The following PKHD1 variants were observed in gnomAD, a reference collection of about 807,000 sequenced individuals.
PKHD1 encodes fibrocystin.
A neutral mutation model predicts 412.0 loss-of-function variants in PKHD1; 291 were observed. That is an observed-to-expected ratio of 0.71 (90% confidence interval 0.64 to 0.78). PKHD1 has a LOEUF of 0.78. Among genes scored for constraint, PKHD1 ranks in the 30% least tolerant of loss-of-function variants. The pLI, the probability that PKHD1 is intolerant of heterozygous loss-of-function variation, is 0.00. For missense variants in PKHD1, 4,825 were observed against 4,950.7 expected (o/e 0.97, Z 0.76); for synonymous variants, 1,777 against 1,821.5 (o/e 0.98, Z 0.62).
chr6:52,063,156 A>G (rs1318761668), intron 13 of PKHD1, among the ~76,000 whole-genome samples: 1 of 152,214 alleles, frequency 6.6e-6, no homozygotes, highest in Non-Finnish European at 1.5e-5. Context: ...GGACCTGCAC[A>G]CAGAGCCAAA....
intron 50 of PKHD1, among the ~76,000 whole-genome samples, chr6:51,839,367 C>T (rs1255726493): frequency 6.6e-6 from 1 of 152,126 alleles, no homozygotes; most frequent in African/African-American, 2.4e-5. Context: ...TGTAGTTGAT[C>T]CTTCCCAGAT....
chr6:51,880,779 TAAAAAAAAAAAAAAAA>T lies in PKHD1; in HGVS notation c.7350+2298_7350+2313del, dbSNP rs71544105. Among the ~76,000 whole-genome samples the T allele has an allele frequency of 6.7e-5, 2 of 30,036 alleles. 1 individual carries two copies. The highest frequency in any genetic ancestry group is 9.4e-5 in the Non-Finnish European group (2 of 21,186). 19.7% of individuals were successfully genotyped at this position (30,036 alleles called of 152,430 possible). A position where few individuals can be genotyped will look rare whatever the true frequency, so the allele number is the denominator to read the frequency against. ...CTTAGAGTATAATAAAAAAAAAAAT[TAAAAAAAAAAAAAAAA>T]AAAAAAAAAAAACACAAAAAATTAG... On this transcript the variant is annotated intron_variant, in intron 46 of 66. Coordinates refer to ENST00000371117, the MANE Select transcript of PKHD1 (RefSeq NM_138694.4).
At chr6:51,977,316 C>T (rs1009484967) in intron 35 of PKHD1, among the ~76,000 whole-genome samples, 6 of 152,176 alleles carry the variant, frequency 3.9e-5, no homozygotes, top group Admixed American at 3.9e-4. Context: ...ATTCACAAGC[C>T]CTGTTTACCT....
chr6:51,754,747 T>A, intron 56 of PKHD1, 37 bp downstream of exon 56: 1 of 1,592,738 alleles, frequency 6.3e-7, no homozygotes. Context: ...TCTTCCTAGC[T>A]CATTCACTTA....
chr6:51,641,869 G>T (rs1769405462), intron 63 of PKHD1, among the ~76,000 whole-genome samples: 1 of 152,102 alleles, frequency 6.6e-6, no homozygotes, highest in Admixed American at 6.5e-5. Context: ...CACAGGGAGG[G>T]GAACATCACA....
chr6:51,832,818 A>T (rs541815207), intron 51 of PKHD1, among the ~76,000 whole-genome samples: 2 of 152,170 alleles, frequency 1.3e-5, no homozygotes, highest in African/African-American at 2.4e-5. Flanking sequence ...CTCAGTAGTC[A>T]TGGTTTAATT....
intron 35 of PKHD1, among the ~76,000 whole-genome samples, chr6:51,985,467 G>A (rs1490331190): frequency 6.6e-6 from 1 of 152,214 alleles, no homozygotes; most frequent in Non-Finnish European, 1.5e-5. Flanking sequence ...GGTGGCTCAT[G>A]CCTGTAATCC....
intron 61 of PKHD1, among the ~76,000 whole-genome samples, chr6:51,650,318 T>G (rs916169634): frequency 6.6e-6 from 1 of 152,136 alleles, no homozygotes; most frequent in African/African-American, 2.4e-5. Flanking sequence ...TTACATATCA[T>G]AGGCATGCAA....
At chr6:51,988,111 A>C (rs1490300383) in intron 35 of PKHD1, among the ~76,000 whole-genome samples, 1 of 152,216 alleles carries the variant, frequency 6.6e-6, no homozygotes, top group African/African-American at 2.4e-5. Flanking sequence ...TAGATTTCTT[A>C]AGATTTAGTT....
At chr6:51,852,727 A>AT (rs1772517835) in intron 49 of PKHD1, among the ~76,000 whole-genome samples, 1 of 137,618 alleles carries the variant, frequency 7.3e-6, no homozygotes. Context: ...AGGATTGCAA[A>AT]CCCTGTTTTT....
In PKHD1 at chr6:51,783,283, G is replaced by C. The variant is rs980719153; in HGVS notation, c.8441-7362C>G. On this transcript the variant is annotated intron_variant, in intron 53 of 66. Coordinates refer to ENST00000371117, the MANE Select transcript of PKHD1 (RefSeq NM_138694.4). The stretch of plus-strand genomic sequence containing the variant: ...ATCTTGTTGACTAGGGATCAAGGAG[G>C]TTTCTATTAAACTTTAAATATCCAT... Among the ~76,000 whole-genome samples, 6 of 148,458 alleles carry C rather than the reference G, an allele frequency of 4.0e-5. No homozygotes were observed. In the Admixed American group the frequency reaches 4.1e-4, roughly 10 times the overall value.
rs1009905289 is a variant in PKHD1 at position 51,883,147 on chromosome 6, A to G, written c.7296T>C (p.Ser2432=). The change falls in exon 46 of 67, where the codon AGT becomes AGC. Residue 2432 remains serine (S), a synonymous_variant. Coordinates refer to ENST00000371117, the MANE Select transcript of PKHD1 (RefSeq NM_138694.4). ...TGTCAGTAACTGAAGTATTTGCATC[A>G]CTTTCCAAGACGTCAATTCCAAAAT... ...CRDFGIDVLE[S]DANTSVTDSL... is the part of the protein sequence containing the mutation. The G allele has an allele frequency of 6.2e-7, 1 of 1,612,388 alleles. No homozygotes were observed. The highest frequency in any genetic ancestry group is 8.5e-7 in the Non-Finnish European group (1 of 1,178,456).
At chr6:51,834,916 T>C (rs544693883) in intron 51 of PKHD1, among the ~76,000 whole-genome samples, 1 of 152,320 alleles carries the variant, frequency 6.6e-6, no homozygotes, top group South Asian at 2.1e-4. Flanking sequence ...TTGAGACATC[T>C]GAGTTCCTAT....
intron 34 of PKHD1, among the ~76,000 whole-genome samples, chr6:52,015,408 G>A (rs113930076): frequency 3.3e-5 from 5 of 152,298 alleles, no homozygotes; most frequent in African/African-American, 9.6e-5. Flanking sequence ...GTCCTCTGAC[G>A]ATTGCATTAC....
At chr6:51,911,684 A>G (rs1782958178) in intron 39 of PKHD1, 115 bp downstream of exon 39, 1 of 928,102 alleles carries the variant, frequency 1.1e-6, no homozygotes, top group African/African-American at 1.6e-5. Context: ...GGGCATCCAA[A>G]GTTTAAGGGC....
At chr6:51,919,771 T>C (rs994631711) in intron 37 of PKHD1, among the ~76,000 whole-genome samples, 1 of 152,360 alleles carries the variant, frequency 6.6e-6, no homozygotes, top group East Asian at 1.9e-4. Flanking sequence ...GCATGGAATG[T>C]TCTTCCATTT....
chr6:52,019,456 T>C (rs942147433), intron 33 of PKHD1, among the ~76,000 whole-genome samples: 9 of 152,248 alleles, frequency 5.9e-5, no homozygotes, highest in African/African-American at 1.9e-4. Flanking sequence ...AGGACTCTTG[T>C]ATGAACAGAC....
rs1474956236 is a variant in PKHD1 at position 51,670,646 on chromosome 6, T to C, written c.10157-10677A>G. On this transcript the variant is annotated intron_variant, in intron 60 of 66. Transcript: ENST00000371117. ...TCATGCAGTTTCTTCCTAGTCTCGA[T>C]GGTCTTTACAATTTGGCATGATTTT... is the stretch of plus-strand genomic sequence containing the variant. 7.2e-5 allele frequency among the ~76,000 whole-genome samples: 11 copies of C among 152,156 alleles called. No homozygotes were observed. In the East Asian group the frequency reaches 1.2e-3, roughly 16 times the overall value.
At chr6:51,788,296 T>C (rs1193772422) in intron 53 of PKHD1, among the ~76,000 whole-genome samples, 2 of 151,954 alleles carry the variant, frequency 1.3e-5, no homozygotes, top group African/African-American at 4.8e-5. Context: ...ATCATATCTG[T>C]TCTGATAGCT....
Sources: allele counts gnomAD v4.1 joint callset (sites outside exome capture counted in the v4.1 genomes callset), GRCh38; gene constraint gnomAD v4.1.1; transcripts MANE v1.5; gene names NCBI Gene and HGNC (gene_info 2026-07-23, HGNC 2026-07-21).